PLCG2: variants seen among roughly 807,000 people sequenced by gnomAD.
The protein encoded by PLCG2 is 1-phosphatidylinositol 4,5-bisphosphate phosphodiesterase gamma-2.
In PLCG2, 69 loss-of-function variants were observed where a neutral mutation model predicts 175.6. The ratio of observed to expected loss-of-function variants is 0.39; its 90% CI spans 0.32 to 0.48. The LOEUF is 0.48. Ranked by LOEUF, PLCG2 falls within the 20% of genes least tolerant of loss-of-function variation. The pLI, the probability that PLCG2 is intolerant of heterozygous loss-of-function variation, is 0.91. For synonymous variants in PLCG2, 827 were observed against 624.0 expected, an observed-to-expected ratio of 1.33 and a Z score of -4.85; for missense variants, 1,798 against 1,650.9, an observed-to-expected ratio of 1.09 and a Z score of -1.54.
At chr16:81,879,077 T>A (rs1907954343) in intron 7 of PLCG2, among the ~76,000 whole-genome samples, 4 of 151,880 alleles carry the variant, frequency 2.6e-5, no homozygotes, top group Admixed American at 2.6e-4. Context: ...GCTCCCTGAG[T>A]GGGGGAATGC....
At chr16:81,953,404 T>C (rs1227667304) in intron 31 of PLCG2, among the ~76,000 whole-genome samples, 1 of 152,204 alleles carries the variant, frequency 6.6e-6, no homozygotes, top group Non-Finnish European at 1.5e-5. Flanking sequence ...ATTGTACTAT[T>C]ACTGTACCTT....
At chr16:81,956,561 C>T in intron 31 of PLCG2, 134 bp from the exon 32 acceptor site, 1 of 605,786 alleles carries the variant, frequency 1.7e-6, no homozygotes, top group African/African-American at 1.8e-5. Flanking sequence ...TAGGCCCTGG[C>T]TCTTCTGGGC....
rs1240933788 is a variant in PLCG2 at position 81,803,243 on chromosome 16, T to C, written c.193+17061T>C. Among the ~76,000 whole-genome samples, 4 of 151,422 alleles carry C rather than the reference T, an allele frequency of 2.6e-5. No individual in the cohort carries two copies. In the East Asian group the frequency reaches 7.9e-4, roughly 30 times the overall value. Reference sequence around the variant, plus strand: ...ATGCCATTCTCCTGCCTCAGCCTCCTGAGTAGCTGGGACTACAGGTGCCCA... The same window carrying C: ...ATGCCATTCTCCTGCCTCAGCCTCCCGAGTAGCTGGGACTACAGGTGCCCA... On this transcript the variant is annotated intron_variant, in intron 2 of 32. Coordinates refer to ENST00000564138, the MANE Select transcript of PLCG2 (RefSeq NM_002661.5).
rs370224976 is a variant in PLCG2 at position 81,870,817 on chromosome 16, C to A, written c.565-35C>A. On this transcript the variant is annotated intron_variant, in intron 6 of 32. Transcript: ENST00000564138. Reference sequence around the variant, plus strand: ...ATGGAGCCATTCTTACGGTGGACATCAAAAATCATGTGGTCACTTTTTTCA... The same window carrying A: ...ATGGAGCCATTCTTACGGTGGACATAAAAAATCATGTGGTCACTTTTTTCA... 9 of 1,223,444 alleles carry A rather than the reference C, an allele frequency of 7.4e-6. No individual in the cohort carries two copies. In the African/African-American group the frequency reaches 1.3e-4, roughly 18 times the overall value. 75.8% of individuals were successfully genotyped at this position (1,223,444 alleles called of 1,614,324 possible). A position where few individuals can be genotyped will look rare whatever the true frequency, so the allele number is the denominator to read the frequency against.
At chr16:81,854,380 G>T (rs951131916) in intron 2 of PLCG2, 64 bp from the exon 3 acceptor site, 1 of 1,480,710 alleles carries the variant, frequency 6.8e-7, no homozygotes, top group Non-Finnish European at 9.4e-7. Context: ...CTGCAGTTGT[G>T]TGGCTGCATC....
chr16:81,830,256 GC>G (rs1905207480), intron 2 of PLCG2, among the ~76,000 whole-genome samples: 1 of 152,078 alleles, frequency 6.6e-6, no homozygotes, highest in African/African-American at 2.4e-5. Flanking sequence ...GGAGGTTGAG[GC>G]TGTAGTGAGC....
intron 1 of PLCG2, among the ~76,000 whole-genome samples, chr16:81,779,844 C>A (rs1463670717): frequency 6.6e-6 from 1 of 152,236 alleles, no homozygotes; most frequent in Non-Finnish European, 1.5e-5. Context: ...CCCTGTCTCA[C>A]TTCGGTGGTT....
rs1295774663 is a variant in PLCG2 at position 81,900,795 on chromosome 16, T to G, written c.1362+15T>G. 4 of 1,589,852 alleles carry G rather than the reference T, an allele frequency of 2.5e-6. No homozygotes were observed. The highest frequency in any genetic ancestry group is 3.4e-6 in the Non-Finnish European group (4 of 1,160,700). The stretch of plus-strand genomic sequence containing the variant: ...TCATCATCAAGGTAGGCACCCCGGG[T>G]GCTGCTGTTGGCTGTCCAGGGAGCC... On this transcript the variant is annotated intron_variant, in intron 14 of 32. Coordinates refer to ENST00000564138, the MANE Select transcript of PLCG2 (RefSeq NM_002661.5).
intron 9 of PLCG2, 57 bp downstream of exon 9, chr16:81,883,398 T>C: frequency 7.0e-7 from 1 of 1,421,378 alleles, no homozygotes. Context: ...TGCTGGGGAC[T>C]AGTCTCACCC....
At chr16:81,855,023 A>G (rs1290834649) in intron 3 of PLCG2, among the ~76,000 whole-genome samples, 1 of 152,008 alleles carries the variant, frequency 6.6e-6, no homozygotes, top group Non-Finnish European at 1.5e-5. Flanking sequence ...CAGCATGGCC[A>G]ACATGGTGAA....
chr16:81,928,719 G>C, intron 24 of PLCG2, 95 bp downstream of exon 24: 2 of 816,550 alleles, frequency 2.4e-6, no homozygotes, highest in Non-Finnish European at 4.3e-6. Context: ...CTGACACAGG[G>C]TCCTGTCTTG....
chr16:81,811,370 G>A (rs927433186), intron 2 of PLCG2, among the ~76,000 whole-genome samples: 3 of 152,112 alleles, frequency 2.0e-5, no homozygotes, highest in South Asian at 2.1e-4. Context: ...TTTGCACGTC[G>A]GGGTTCAGGA....
intron 7 of PLCG2, among the ~76,000 whole-genome samples, chr16:81,876,714 C>T (rs1438072205): frequency 6.6e-6 from 1 of 152,224 alleles, no homozygotes; most frequent in Non-Finnish European, 1.5e-5. Flanking sequence ...TGGCCCTTTG[C>T]TGGGGTGGGA....
intron 24 of PLCG2, among the ~76,000 whole-genome samples, chr16:81,929,249 A>G (rs76319709): frequency 0.011 from 1,701 of 152,222 alleles, 45 homozygotes; most frequent in African/African-American, 0.039. Flanking sequence ...TCCCATGTGA[A>G]GGGACTCTGT....
chr16:81,857,193 G>T (rs12930890), intron 3 of PLCG2, among the ~76,000 whole-genome samples: 4 of 152,174 alleles, frequency 2.6e-5, no homozygotes, highest in Middle Eastern at 3.4e-3. Flanking sequence ...TGATGTCTCC[G>T]TCATCCCTCT....
chr16:81,802,090 A>G (rs562915023), intron 2 of PLCG2, among the ~76,000 whole-genome samples: 3 of 74,036 alleles, frequency 4.1e-5, no homozygotes, highest in East Asian at 1.1e-3. Context: ...AGGTGAGTAC[A>G]GTCTTTTTTT....
intron 20 of PLCG2, among the ~76,000 whole-genome samples, chr16:81,920,256 G>T (rs1910007564): frequency 6.6e-6 from 1 of 152,154 alleles, no homozygotes; most frequent in African/African-American, 2.4e-5. Flanking sequence ...ACCTGATGTG[G>T]TTACTTTGTC....
chr16:81,867,386 T>C (rs1722934633), intron 5 of PLCG2, among the ~76,000 whole-genome samples: 1 of 152,194 alleles, frequency 6.6e-6, no homozygotes, highest in African/African-American at 2.4e-5. Flanking sequence ...CTTCTCCTTC[T>C]TGTGTGAGCT....
At chr16:81,844,628 T>G (rs1906016549) in intron 2 of PLCG2, among the ~76,000 whole-genome samples, 1 of 152,266 alleles carries the variant, frequency 6.6e-6, no homozygotes, top group South Asian at 2.1e-4. Context: ...GGCCCACACC[T>G]TCACTGTTTT....
Sources: gnomAD v4.1 joint callset for allele counts (sites outside exome capture counted in the v4.1 genomes callset) on GRCh38, gnomAD v4.1.1 for gene constraint, MANE v1.5 for transcripts, NCBI Gene and HGNC (gene_info 2026-07-23, HGNC 2026-07-21) for gene names.